Variants in HS6ST3 observed in about 807,000 individuals in gnomAD.
HS6ST3 encodes heparan sulfate 6-O-sulfotransferase 3.
A neutral mutation model predicts 36.7 loss-of-function variants in HS6ST3; 12 were observed. The ratio of observed to expected loss-of-function variants is 0.33; its 90% confidence interval spans 0.21 to 0.53. HS6ST3 has a LOEUF of 0.53. Among genes scored for constraint, HS6ST3 ranks in the 20% least tolerant of loss-of-function variants. HS6ST3 has a pLI of 0.95. For synonymous variants in HS6ST3, 240 were observed against 257.5 expected, an observed-to-expected ratio of 0.93 and a Z score of 0.65; for missense variants, 584 against 640.9, an observed-to-expected ratio of 0.91 and a Z score of 0.96.
At chr13:96,597,122 A>G (rs2056404524) in intron 1 of HS6ST3, among the ~76,000 whole-genome samples, 1 of 152,142 alleles carries the variant, frequency 6.6e-6, no homozygotes, top group African/African-American at 2.4e-5. Context: ...CTCACTTTTA[A>G]ATGGGAGCTA....
At chr13:96,490,836 G>C (rs1431844603) in intron 1 of HS6ST3, among the ~76,000 whole-genome samples, 1 of 152,168 alleles carries the variant, frequency 6.6e-6, no homozygotes, top group African/African-American at 2.4e-5. Flanking sequence ...TATTACCACC[G>C]GCTATGCTGC....
chr13:96,288,911 C>T (rs998821343), intron 1 of HS6ST3, among the ~76,000 whole-genome samples: 6 of 151,764 alleles, frequency 4.0e-5, no homozygotes, highest in South Asian at 2.1e-4. Flanking sequence ...TATCTAGAAA[C>T]CCCAAGAGAT....
At chr13:96,246,963 G>T (rs754287485) in intron 1 of HS6ST3, among the ~76,000 whole-genome samples, 2 of 152,054 alleles carry the variant, frequency 1.3e-5, no homozygotes, top group African/African-American at 2.4e-5. Flanking sequence ...AGACTGTGTT[G>T]CATTAAATTA....
chr13:96,256,067 C>A (rs1328516906), intron 1 of HS6ST3, among the ~76,000 whole-genome samples: 3 of 152,118 alleles, frequency 2.0e-5, no homozygotes, highest in Non-Finnish European at 2.9e-5. Context: ...TTTTATTTTT[C>A]TGTCTTCTAA....
intron 1 of HS6ST3, among the ~76,000 whole-genome samples, chr13:96,512,791 G>GT (rs997541970): frequency 2.0e-5 from 3 of 151,376 alleles, no homozygotes; most frequent in African/African-American, 7.3e-5. Flanking sequence ...TGATTCAATT[G>GT]TTTTTTTTCT....
At chr13:96,629,847 C>A (rs2056525921) in intron 1 of HS6ST3, among the ~76,000 whole-genome samples, 1 of 151,576 alleles carries the variant, frequency 6.6e-6, no homozygotes, top group Non-Finnish European at 1.5e-5. Flanking sequence ...TTTTTCCTAC[C>A]AATTTTATTC....
intron 1 of HS6ST3, among the ~76,000 whole-genome samples, chr13:96,733,295 G>A (rs187170004): frequency 1.3e-5 from 2 of 152,136 alleles, no homozygotes; most frequent in Admixed American, 6.5e-5. Flanking sequence ...GTTGTGTTGA[G>A]GTACATTCCT....
At chr13:96,763,370 A>G (rs1877014953) in intron 1 of HS6ST3, among the ~76,000 whole-genome samples, 1 of 150,738 alleles carries the variant, frequency 6.6e-6, no homozygotes, top group Admixed American at 6.6e-5. Flanking sequence ...ACACACCTCT[A>G]ATCCCAGCTA....
chr13:96,659,590 A>AT lies in HS6ST3; in HGVS notation c.708-172899dup, dbSNP rs758175574. Among the ~76,000 whole-genome samples, 115 of 152,184 alleles carry AT rather than the reference A, an allele frequency of 7.6e-4. 1 individual carries two copies. Among genetic ancestry groups the AT allele is most frequent in the Non-Finnish European group, 1.2e-3 (79 of 67,988 alleles). On this transcript the variant is annotated intron_variant, in intron 1 of 1. Coordinates refer to ENST00000376705, the MANE Select transcript of HS6ST3 (RefSeq NM_153456.4). ...GATTTCTGTCCTAAGGTATGAAGAT[A>AT]TATGTTTTCTACTATAATAGTTTTT...
intron 1 of HS6ST3, among the ~76,000 whole-genome samples, chr13:96,478,470 G>A (rs1248929835): frequency 1.3e-5 from 2 of 152,032 alleles, no homozygotes; most frequent in Non-Finnish European, 2.9e-5. Context: ...GCTGGCAGGG[G>A]GGTTAAGTAA....
At position 96,544,247 on chromosome 13, in the gene HS6ST3, AC is replaced by A. The variant is rs1378461806; in HGVS notation, c.708-288242del. The stretch of plus-strand genomic sequence containing the variant: ...TGGGGACTAACTCACTGACAGGGAT[AC>A]TTATAAACCAGAGAGCATTCAAAGT... On this transcript the variant is annotated intron_variant, in intron 1 of 1. Coordinates refer to ENST00000376705, the MANE Select transcript of HS6ST3 (RefSeq NM_153456.4). Among the ~76,000 whole-genome samples, 24 of 152,244 alleles carry A rather than the reference AC, an allele frequency of 1.6e-4. 1 individual carries two copies.
At chr13:96,596,584 G>GTA (rs1445252198) in intron 1 of HS6ST3, among the ~76,000 whole-genome samples, 1 of 152,072 alleles carries the variant, frequency 6.6e-6, no homozygotes, top group Non-Finnish European at 1.5e-5. Context: ...CAGCAGCAGT[G>GTA]TATAAGCTTT....
intron 1 of HS6ST3, among the ~76,000 whole-genome samples, chr13:96,831,954 C>CAAAAAAAAAAAAAA (rs35266831): frequency 0.02 from 443 of 21,838 alleles, 88 homozygotes; most frequent in African/African-American, 0.026. Flanking sequence ...GACTCCCTCT[C>CAAAAAAAAAAAAAA]AAAAAAAAAA....
At chr13:96,676,570 A>G (rs1002846897) in intron 1 of HS6ST3, among the ~76,000 whole-genome samples, 3 of 152,206 alleles carry the variant, frequency 2.0e-5, no homozygotes, top group Non-Finnish European at 4.4e-5. Flanking sequence ...CAGGCTCAGT[A>G]TATTTCCCAA....
chr13:96,390,439 G>A (rs2055390025), intron 1 of HS6ST3, among the ~76,000 whole-genome samples: 1 of 152,180 alleles, frequency 6.6e-6, no homozygotes, highest in East Asian at 1.9e-4. Context: ...GATACGGTGA[G>A]AAGAGGCTTT....
chr13:96,422,248 G>C (rs1387892241), intron 1 of HS6ST3, among the ~76,000 whole-genome samples: 1 of 152,154 alleles, frequency 6.6e-6, no homozygotes, highest in African/African-American at 2.4e-5. Context: ...GAGTTGAGTG[G>C]GTTCTGCAAC....
chr13:96,780,406 T>C (rs1438011784), intron 1 of HS6ST3, among the ~76,000 whole-genome samples: 1 of 152,150 alleles, frequency 6.6e-6, no homozygotes, highest in African/African-American at 2.4e-5. Flanking sequence ...TCTTGACATA[T>C]TCACTCCAGA....
intron 1 of HS6ST3, among the ~76,000 whole-genome samples, chr13:96,715,775 TCAAG>T (rs1401725124): frequency 2.0e-5 from 3 of 152,136 alleles, no homozygotes; most frequent in Non-Finnish European, 4.4e-5. Flanking sequence ...CATAGTTATA[TCAAG>T]ATTTTTAGTT....
chr13:96,759,661 A>G (rs1319634973), intron 1 of HS6ST3, among the ~76,000 whole-genome samples: 5 of 151,944 alleles, frequency 3.3e-5, no homozygotes, highest in Admixed American at 6.6e-5. Flanking sequence ...AATTATAAGT[A>G]TATAATTTTT....
Sources: allele counts gnomAD v4.1 joint callset (sites outside exome capture counted in the v4.1 genomes callset), GRCh38; gene constraint gnomAD v4.1.1; transcripts MANE v1.5; gene names NCBI Gene and HGNC (gene_info 2026-07-23, HGNC 2026-07-21).